ROCK2: variants seen among roughly 807,000 people sequenced by gnomAD.
ROCK2 encodes rho-associated protein kinase 2.
Under a neutral mutation model 195.1 loss-of-function variants are expected in ROCK2, and 61 were observed. That is an observed-to-expected ratio of 0.31 (90% CI 0.25 to 0.39). The LOEUF (loss-of-function observed/expected upper bound fraction) is 0.39, where lower values mean the gene tolerates loss of function less well. ROCK2 is among the 10% of genes least tolerant of loss of function. The pLI is 1.00. For missense variants in ROCK2, 1,109 were observed against 1,637.4 expected, an observed-to-expected ratio of 0.68 and a Z score of 5.57; for synonymous variants, 504 against 545.5, an observed-to-expected ratio of 0.92 and a Z score of 1.06.
chr2:11,236,306 T>TA lies in ROCK2; in HGVS notation c.463-345dup, dbSNP rs1209164484. ...AATGACAGAAGAATTCACTATAATTTAAAAAAAACAGCTTTCTGAACAAAC... is the reference window on the plus strand; with the variant it reads ...AATGACAGAAGAATTCACTATAATTTAAAAAAAAACAGCTTTCTGAACAAAC... On this transcript the variant is annotated intron_variant, in intron 4 of 32. Coordinates refer to ENST00000315872, the MANE Select transcript of ROCK2 (RefSeq NM_004850.5). Among the ~76,000 whole-genome samples, 6 of 151,728 alleles carry TA rather than the reference T, an allele frequency of 4.0e-5. No homozygotes were observed. The East Asian group carries it at 5.8e-4, about 15-fold the overall frequency.
At chr2:11,305,238 T>A (rs1010943430) in intron 1 of ROCK2, among the ~76,000 whole-genome samples, 10 of 152,076 alleles carry the variant, frequency 6.6e-5, no homozygotes, top group African/African-American at 2.4e-4. Flanking sequence ...TAGCTGGGCA[T>A]GGTGGCGCAC....
Position 11,208,433 on chromosome 2 carries a change from G to A in ROCK2, c.2218C>T (p.Leu740Phe), listed in dbSNP as rs1167834471. The A allele has an allele frequency of 6.6e-7, 1 of 1,505,202 alleles. No individual in the cohort carries two copies. Among genetic ancestry groups the A allele is most frequent in the East Asian group, 2.3e-5 (1 of 42,792 alleles). 93.2% of individuals were successfully genotyped at this position (1,505,202 alleles called of 1,614,324 possible). The part of the protein sequence containing the change: ...SEAMKEMEKK[L>F]LEERTLKQKV... ...TGTTTTAAAGTTCTTTCCTCCAAGA[G>A]CTTCTTCTCCATTTCTAGTATAATA... The change falls in exon 19 of 33, where the codon CTC becomes TTC. Residue 740 changes from leucine (L) to phenylalanine (F), a missense_variant. Leu to Phe is a conservative substitution (Grantham distance 22). This residue lies in a region of ROCK2 where 542 missense variants were observed against 672.0 expected (regional missense o/e 0.81). Transcript: ENST00000315872.
chr2:11,255,573 T>G (rs1666000003), intron 3 of ROCK2, among the ~76,000 whole-genome samples: 1 of 150,968 alleles, frequency 6.6e-6, no homozygotes, highest in Admixed American at 6.6e-5. Context: ...GAAAATATAT[T>G]AAAGAAATAA....
rs375351081 is a variant in ROCK2 at position 11,200,217 on chromosome 2, T to C, written c.2910+740A>G. On this transcript the variant is annotated intron_variant, in intron 23 of 32. Coordinates refer to ENST00000315872, the MANE Select transcript of ROCK2 (RefSeq NM_004850.5). Reference sequence around the variant, plus strand: ...ATACAAATCCCTTGTTTAATAAATATATTACAAATATCTCCCTTCTGTCAT... The same window carrying C: ...ATACAAATCCCTTGTTTAATAAATACATTACAAATATCTCCCTTCTGTCAT... Among the ~76,000 whole-genome samples the C allele has an allele frequency of 2.6e-5, 4 of 152,336 alleles. No homozygotes were observed. The East Asian group carries it at 5.8e-4, about 22-fold the overall frequency.
chr2:11,207,866 G>A lies in ROCK2; in HGVS notation c.2409C>T (p.Arg803=). ...TCTTCAGGTCATTTTGTGTAAGGCAGCGCTTCTGAGTTTCTTGCTCTATTT... is the reference window on the plus strand; with the variant it reads ...TCTTCAGGTCATTTTGTGTAAGGCAACGCTTCTGAGTTTCTTGCTCTATTT... ...TLKIEQETQK[R]CLTQNDLKMQ... is the part of the protein sequence containing the mutation. The change falls in exon 20 of 33, where the codon CGC becomes CGT. Residue 803 remains arginine, a synonymous_variant. Coordinates refer to ENST00000315872, the MANE Select transcript of ROCK2 (RefSeq NM_004850.5). 1 of 1,599,472 alleles carries A rather than the reference G, an allele frequency of 6.3e-7. No homozygotes were observed. The highest frequency in any genetic ancestry group is 8.5e-7 in the Non-Finnish European group (1 of 1,172,458).
intron 4 of ROCK2, 105 bp from the exon 5 acceptor site, chr2:11,236,067 AT>A: frequency 9.4e-7 from 1 of 1,065,234 alleles, no homozygotes; most frequent in Non-Finnish European, 1.3e-6. Flanking sequence ...AAGGCAAACT[AT>A]TTTATAACCA....
intron 3 of ROCK2, among the ~76,000 whole-genome samples, chr2:11,278,624 G>T (rs182645531): frequency 6.6e-6 from 1 of 152,018 alleles, no homozygotes; most frequent in African/African-American, 2.4e-5. Flanking sequence ...TTTTATTTTG[G>T]TTTCTTAAGA....
intron 4 of ROCK2, among the ~76,000 whole-genome samples, chr2:11,243,634 G>A (rs1665510535): frequency 6.6e-6 from 1 of 152,006 alleles, no homozygotes; most frequent in African/African-American, 2.4e-5. Context: ...TTCCTACAGA[G>A]GAGCATCCAC....
At chr2:11,287,583 A>G in intron 2 of ROCK2, 72 bp downstream of exon 2, 1 of 432,180 alleles carries the variant, frequency 2.3e-6, no homozygotes, top group Non-Finnish European at 4.1e-6. Flanking sequence ...TTATAGGCTG[A>G]TAATAACCAA....
intron 1 of ROCK2, among the ~76,000 whole-genome samples, chr2:11,331,133 C>A (rs1668755086): frequency 6.6e-6 from 1 of 151,906 alleles, no homozygotes. Flanking sequence ...ATGTAGTTAT[C>A]TTTAATAAAA....
chr2:11,236,112 T>G, intron 4 of ROCK2, 150 bp from the exon 5 acceptor site: 1 of 726,912 alleles, frequency 1.4e-6, no homozygotes, highest in South Asian at 3.1e-5. Context: ...TATTTTAGAC[T>G]CAGGCGTATG....
At chr2:11,292,749 A>G (rs1022007835) in intron 1 of ROCK2, among the ~76,000 whole-genome samples, 16 of 152,208 alleles carry the variant, frequency 1.1e-4, no homozygotes, top group African/African-American at 3.4e-4. Flanking sequence ...ACACAAATAC[A>G]TAACTAAAAT....
intron 3 of ROCK2, among the ~76,000 whole-genome samples, chr2:11,281,566 G>A (rs1182402347): frequency 6.6e-6 from 1 of 151,916 alleles, no homozygotes; most frequent in Non-Finnish European, 1.5e-5. Flanking sequence ...GATGAGCAAT[G>A]AAAAAGTGGA....
Position 11,227,317 on chromosome 2 carries a change from C to A in ROCK2, c.805G>T (p.Gly269Cys). ...CAATCACATTCTCGCCCATAGAAAC[C>A]ATCACCCCCTTGTGATTTCAGAACC... is the stretch of plus-strand genomic sequence containing the variant. ...PEVLKSQGGD[G>C]FYGRECDWWS... Residue 269 changes from glycine to cysteine, a missense_variant, in exon 6 of 33, where the codon GGT (glycine) becomes TGT (cysteine). Physicochemically the swap from Gly to Cys is radical, Grantham distance 159 (BLOSUM62 -3). This residue lies in a region of ROCK2 where 253 missense variants were observed against 455.5 expected (regional missense o/e 0.56). Coordinates refer to ENST00000315872, the MANE Select transcript of ROCK2 (RefSeq NM_004850.5). The A allele has an allele frequency of 6.2e-7, 1 of 1,613,894 alleles. No individual in the cohort carries two copies. Among genetic ancestry groups the A allele is most frequent in the Non-Finnish European group, 8.5e-7 (1 of 1,179,866 alleles).
intron 3 of ROCK2, among the ~76,000 whole-genome samples, chr2:11,254,727 TAAAAAAAAAAAAAAAA>T (rs10640683): frequency 2.6e-5 from 1 of 39,126 alleles, no homozygotes; most frequent in African/African-American, 9.9e-5. Context: ...CCCTGTCTCT[TAAAAAAAAAAAAAAAA>T]AAAAAAAAAA....
intron 4 of ROCK2, among the ~76,000 whole-genome samples, chr2:11,240,708 A>G (rs1468187460): frequency 6.6e-6 from 1 of 152,228 alleles, no homozygotes; most frequent in Non-Finnish European, 1.5e-5. Flanking sequence ...ACAATGCTAT[A>G]AATTTCCTAA....
In ROCK2 at chr2:11,195,027, T is replaced by C; in HGVS notation, c.3449-2A>G. On this transcript the variant is annotated splice_acceptor_variant, in intron 27 of 32. Transcript: ENST00000315872. LOFTEE classifies it high-confidence loss of function. The stretch of plus-strand genomic sequence containing the variant: ...AAAGCCATCCTTCTAATCTTGATTC[T>C]ACAAATAAGCACAACATGTGAGGCT... 1 of 1,552,778 alleles carries C rather than the reference T, an allele frequency of 6.4e-7. No individual in the cohort carries two copies. Among genetic ancestry groups the C allele is most frequent in the Non-Finnish European group, 8.8e-7 (1 of 1,142,404 alleles).
chr2:11,317,627 T>TTTA (rs1192587957), intron 1 of ROCK2, among the ~76,000 whole-genome samples: 487 of 31,316 alleles, frequency 0.016, 74 homozygotes, highest in Middle Eastern at 0.056. Context: ...TTTTTTTTTT[T>TTTA]AATTATACTT....
At chr2:11,267,287 G>C (rs1666451331) in intron 3 of ROCK2, among the ~76,000 whole-genome samples, 1 of 152,114 alleles carries the variant, frequency 6.6e-6, no homozygotes, top group African/African-American at 2.4e-5. Context: ...CCATAAGATA[G>C]GTATAATTAT....
Sources: gnomAD v4.1 joint callset for allele counts (sites outside exome capture counted in the v4.1 genomes callset) on GRCh38, gnomAD v4.1.1 for gene constraint, gnomAD v4.1.1 regional missense constraint, MANE v1.5 for transcripts, NCBI Gene and HGNC (gene_info 2026-07-23, HGNC 2026-07-21) for gene names.